The following INPP5D variants were observed in gnomAD, a reference collection of about 807,000 sequenced individuals.
INPP5D encodes inositol polyphosphate-5-phosphatase D.
A neutral mutation model predicts 122.9 loss-of-function variants in INPP5D; 33 were observed. The observed-to-expected ratio is 0.27, with a 90% CI of 0.20 to 0.36. The LOEUF is 0.36. Among genes scored for constraint, INPP5D ranks in the 10% least tolerant of loss-of-function variants. The probability of loss-of-function intolerance (pLI) is 1.00; values close to 1 mark genes in which losing one functional copy is unlikely to be tolerated. For synonymous variants in INPP5D, 584 were observed against 576.2 expected (o/e 1.01, Z -0.19); for missense variants, 1,053 against 1,412.7 (o/e 0.75, Z 4.08).
intron 19 of INPP5D, among the ~76,000 whole-genome samples, 192 bp downstream of exon 19, chr2:233,182,691 T>C (rs1253240963): frequency 6.6e-6 from 1 of 152,146 alleles, no homozygotes; most frequent in East Asian, 1.9e-4. Context: ...CTTGCTCTGC[T>C]TGGCAAGTAT....
chr2:233,123,027 T>A, intron 3 of INPP5D, among the ~76,000 whole-genome samples: 1 of 152,208 alleles, frequency 6.6e-6, no homozygotes, highest in Middle Eastern at 3.2e-3. Context: ...ATGATTACAA[T>A]CTGCTGAATT....
chr2:233,092,364 C>G (rs1319792855), intron 2 of INPP5D, among the ~76,000 whole-genome samples: 1 of 151,972 alleles, frequency 6.6e-6, no homozygotes, highest in Non-Finnish European at 1.5e-5. Flanking sequence ...AAGAGCGTCT[C>G]AGGGATATGT....
At chr2:233,153,054 A>G (rs1444481723) in intron 9 of INPP5D, among the ~76,000 whole-genome samples, 2 of 152,248 alleles carry the variant, frequency 1.3e-5, no homozygotes, top group Non-Finnish European at 2.9e-5. Context: ...AAGGTAGACC[A>G]GCCAGCACCT....
chr2:233,186,041 C>T (rs1694905387), intron 21 of INPP5D, 116 bp downstream of exon 21: 7 of 1,317,612 alleles, frequency 5.3e-6, no homozygotes, highest in Non-Finnish European at 6.9e-6. Flanking sequence ...ATCTCATAGA[C>T]CAAATGCAGA....
At chr2:233,186,659 C>CTTGTTT (rs1694923743) in intron 21 of INPP5D, among the ~76,000 whole-genome samples, 1 of 72,152 alleles carries the variant, frequency 1.4e-5, no homozygotes, top group Non-Finnish European at 3.1e-5. Flanking sequence ...TTTTTTTTCT[C>CTTGTTT]TTGTTTTTTT....
chr2:233,125,795 A>C lies in INPP5D; in HGVS notation c.400A>C (p.Thr134Pro), dbSNP rs775464802. 1 of 1,613,826 alleles carries C rather than the reference A, an allele frequency of 6.2e-7. No individual in the cohort carries two copies. The highest frequency in any genetic ancestry group is 2.2e-5 in the East Asian group (1 of 44,870). The change falls in exon 4 of 27, where the codon ACT becomes CCT. Residue 134 changes from threonine to proline, a missense_variant. This residue lies in a region of INPP5D where 196 missense variants were observed against 175.6 expected (regional missense o/e 1.12). Coordinates refer to ENST00000445964, the MANE Select transcript of INPP5D (RefSeq NM_001017915.3). Reference protein sequence around the residue: ...PELPPRNIPLTASSCEAKEVP... With the variant: ...PELPPRNIPLPASSCEAKEVP... ...GCTGCCCCCAAGAAACATCCCGCTG[A>C]CTGCCAGCTCCTGTGAGGCCAAGGA...
chr2:233,080,913 G>A (rs1438755835), intron 2 of INPP5D, among the ~76,000 whole-genome samples: 1 of 152,186 alleles, frequency 6.6e-6, no homozygotes, highest in Non-Finnish European at 1.5e-5. Flanking sequence ...CCCGGTCCAG[G>A]GGCATTTGCT....
At chr2:233,151,549 C>T (rs1055622976) in intron 9 of INPP5D, among the ~76,000 whole-genome samples, 1 of 152,164 alleles carries the variant, frequency 6.6e-6, no homozygotes, top group African/African-American at 2.4e-5. Context: ...AAGGTCTTTC[C>T]TTTACACACC....
intron 22 of INPP5D, among the ~76,000 whole-genome samples, chr2:233,191,352 A>G (rs1372021314): frequency 1.3e-5 from 2 of 152,190 alleles, no homozygotes; most frequent in Non-Finnish European, 2.9e-5. Context: ...AATTATCTCC[A>G]CCTGGTCCCT....
At chr2:233,182,817 G>A (rs193058948) in intron 19 of INPP5D, among the ~76,000 whole-genome samples, 159 of 152,024 alleles carry the variant, frequency 1.0e-3, no homozygotes, top group Middle Eastern at 6.8e-3. Context: ...GAGGGGGCGG[G>A]GGACATGAAT....
At chr2:233,102,849 C>CAAAAAA (rs543054221) in intron 2 of INPP5D, among the ~76,000 whole-genome samples, 3 of 88,844 alleles carry the variant, frequency 3.4e-5, no homozygotes, top group African/African-American at 1.2e-4. Context: ...GACTCCGTCT[C>CAAAAAA]AAAAAAAAAA....
At chr2:233,085,711 G>A (rs1428522727) in intron 2 of INPP5D, among the ~76,000 whole-genome samples, 1 of 152,034 alleles carries the variant, frequency 6.6e-6, no homozygotes, top group Non-Finnish European at 1.5e-5. Flanking sequence ...CTAGCCCCCT[G>A]GGGTACACAT....
At chr2:233,185,757 A>G (rs1040939186) in intron 20 of INPP5D, 86 bp from the exon 21 acceptor site, 44 of 1,047,474 alleles carry the variant, frequency 4.2e-5, no homozygotes, top group Admixed American at 8.6e-5. Context: ...ACATCTTCCT[A>G]GGTCTGGGTG....
chr2:233,127,845 T>A (rs1014129226), intron 4 of INPP5D, among the ~76,000 whole-genome samples: 3 of 152,214 alleles, frequency 2.0e-5, no homozygotes, highest in Admixed American at 2.0e-4. Context: ...CAACCTGAGG[T>A]GATCTGCCCG....
intron 1 of INPP5D, among the ~76,000 whole-genome samples, chr2:233,068,987 A>AT (rs1473376645): frequency 2.7e-5 from 4 of 150,654 alleles, no homozygotes; most frequent in Non-Finnish European, 1.5e-5. Flanking sequence ...CTGGGCTCCA[A>AT]TTGAGGGGGT....
chr2:233,067,901 A>G (rs1218692597), intron 1 of INPP5D, among the ~76,000 whole-genome samples: 1 of 152,198 alleles, frequency 6.6e-6, no homozygotes, highest in Admixed American at 6.5e-5. Context: ...TCCTTGGGTT[A>G]TCAAGAGGAC....
chr2:233,195,579 G>T, intron 24 of INPP5D, 84 bp downstream of exon 24: 1 of 1,587,980 alleles, frequency 6.3e-7, no homozygotes, highest in South Asian at 1.1e-5. Context: ...GGGTGCGATG[G>T]TTCACGCCCA....
chr2:233,170,999 A>C lies in INPP5D; in HGVS notation c.1901-65A>C. On this transcript the variant is annotated intron_variant, in intron 16 of 26. Transcript: ENST00000445964. This position sits in a 1 kb window ranked among gnomAD's most constrained non-coding sequence, Gnocchi z 4.5. ...TCCCCTGATTTCCTACCAGAAGAAT[A>C]GGGAAAATTGGCCAGATGCAAAACC... is the stretch of plus-strand genomic sequence containing the variant. 1.9e-6 allele frequency: 3 copies of C among 1,584,324 alleles called. No homozygotes were observed. Among genetic ancestry groups the C allele is most frequent in the Non-Finnish European group, 1.7e-6 (2 of 1,164,448 alleles).
chr2:233,146,089 G>A (rs995313759), intron 6 of INPP5D, 73 bp from the exon 7 acceptor site: 2 of 703,960 alleles, frequency 2.8e-6, no homozygotes, highest in Non-Finnish European at 2.6e-6. Context: ...GGTGCAGAGA[G>A]AACCCAGAGC....
Sources: allele counts gnomAD v4.1 joint callset (sites outside exome capture counted in the v4.1 genomes callset), GRCh38; gene constraint gnomAD v4.1.1; regional missense constraint gnomAD v4.1.1; non-coding constraint Gnocchi (gnomAD v3.1); transcripts MANE v1.5; gene names NCBI Gene and HGNC (gene_info 2026-07-23, HGNC 2026-07-21).